Variants in PRKAR1A observed in about 807,000 individuals in gnomAD.
PRKAR1A encodes protein kinase cAMP-dependent type I regulatory subunit alpha.
In PRKAR1A, 3 loss-of-function variants were observed where a neutral mutation model predicts 52.0. That is an observed-to-expected ratio of 0.06 (90% confidence interval 0.03 to 0.15). PRKAR1A has a LOEUF of 0.15. Among genes scored for constraint, PRKAR1A ranks in the 10% least tolerant of loss-of-function variants. The pLI is 1.00. For synonymous variants in PRKAR1A, 188 were observed against 168.4 expected, an observed-to-expected ratio of 1.12 and a Z score of -0.90; for missense variants, 240 against 477.4, an observed-to-expected ratio of 0.50 and a Z score of 4.63.
chr17:68,541,111 G>C, intron 11 of PRKAR1A: 1 of 1,099,166 alleles, frequency 9.1e-7, no homozygotes, highest in Non-Finnish European at 1.3e-6. Flanking sequence ...CCCTGGGCAA[G>C]GACGCGTAAG....
At chr17:68,438,389 C>T in the PRKAR1A span, among the ~76,000 whole-genome samples, 1 of 152,206 alleles carries the variant, frequency 6.6e-6, no homozygotes, top group African/African-American at 2.4e-5. Flanking sequence ...ATTTCAAGAA[C>T]AGCTAGGCAG....
chr17:68,469,701 G>A, the PRKAR1A span, among the ~76,000 whole-genome samples: 152 of 151,470 alleles, frequency 1.0e-3, 1 homozygote, highest in East Asian at 0.025. Context: ...TCAAGCTTTT[G>A]GATGCTCTTT....
chr17:68,413,797 T>C, the PRKAR1A span: 1 of 157,552 alleles, frequency 6.3e-6, no homozygotes, highest in Non-Finnish European at 1.4e-5. Context: ...CCGAGCCAGG[T>C]AAGGGATGTA....
the PRKAR1A span, among the ~76,000 whole-genome samples, chr17:68,425,074 C>T: frequency 1.2e-4 from 18 of 152,312 alleles, 1 homozygote; most frequent in African/African-American, 3.4e-4. Flanking sequence ...GAAGAAGCCA[C>T]GCCCAGCACT....
At chr17:68,518,825 C>T (rs1306871777) in intron 2 of PRKAR1A, among the ~76,000 whole-genome samples, 1 of 152,218 alleles carries the variant, frequency 6.6e-6, no homozygotes, top group Non-Finnish European at 1.5e-5. Flanking sequence ...ATTTTTCAAG[C>T]TCTGCTTCCT....
the PRKAR1A span, among the ~76,000 whole-genome samples, chr17:68,496,302 A>G: frequency 6.6e-6 from 1 of 151,550 alleles, no homozygotes; most frequent in Non-Finnish European, 1.5e-5. Context: ...TTGGCCTCCC[A>G]AAGTGCTGGG....
chr17:68,549,227 G>A (rs1232620900), intron 11 of PRKAR1A, among the ~76,000 whole-genome samples: 2 of 152,184 alleles, frequency 1.3e-5, no homozygotes, highest in Non-Finnish European at 2.9e-5. Flanking sequence ...AGGTGCATTG[G>A]CTCACGCCTG....
intron 2 of PRKAR1A, among the ~76,000 whole-genome samples, chr17:68,516,219 T>C (rs1254354969): frequency 6.6e-6 from 1 of 152,218 alleles, no homozygotes; most frequent in Non-Finnish European, 1.5e-5. Flanking sequence ...TGTATGTCAT[T>C]GTGACCTACG....
the PRKAR1A span, among the ~76,000 whole-genome samples, chr17:68,449,167 G>A: frequency 6.6e-6 from 1 of 152,194 alleles, no homozygotes; most frequent in African/African-American, 2.4e-5. Flanking sequence ...ACCGCTCTGG[G>A]AATACTTAAT....
At chr17:68,448,205 A>G in the PRKAR1A span, 1 of 152,342 alleles carries the variant, frequency 6.6e-6, no homozygotes, top group African/African-American at 2.4e-5. Flanking sequence ...CAGAATCCCT[A>G]CCTGGCAAGA....
the PRKAR1A span, chr17:68,427,320 A>G: frequency 1.6e-6 from 2 of 1,221,986 alleles, no homozygotes; most frequent in African/African-American, 1.5e-5. Flanking sequence ...ACACCTTCCA[A>G]AGGAAAAGCA....
the PRKAR1A span, among the ~76,000 whole-genome samples, chr17:68,484,458 C>CTT: frequency 3.5e-3 from 470 of 135,524 alleles, 2 homozygotes; most frequent in African/African-American, 5.8e-3. Context: ...ATCGTGGTAT[C>CTT]TTTTTTTTTT....
chr17:68,467,089 G>T, the PRKAR1A span, among the ~76,000 whole-genome samples: 1 of 152,130 alleles, frequency 6.6e-6, no homozygotes, highest in South Asian at 2.1e-4. Flanking sequence ...AGCATGTGTC[G>T]GTATTTCATT....
chr17:68,433,760 G>GTTGTTTTTTTT, the PRKAR1A span, among the ~76,000 whole-genome samples: 1 of 72,814 alleles, frequency 1.4e-5, no homozygotes, highest in Admixed American at 1.8e-4. Flanking sequence ...AAGGGTCATA[G>GTTGTTTTTTTT]TTTTTTTTTT....
the PRKAR1A span, among the ~76,000 whole-genome samples, chr17:68,426,804 G>C: frequency 1.3e-5 from 2 of 152,170 alleles, no homozygotes; most frequent in African/African-American, 4.8e-5. Context: ...CAAAGTGCTG[G>C]GATTACAGGT....
chr17:68,488,506 T>G, the PRKAR1A span, among the ~76,000 whole-genome samples: 1 of 151,834 alleles, frequency 6.6e-6, no homozygotes, highest in Admixed American at 6.6e-5. Context: ...GGTGGGAGGA[T>G]CACTTGAGGT....
the PRKAR1A span, chr17:68,434,720 A>G: frequency 7.7e-7 from 1 of 1,294,850 alleles, no homozygotes; most frequent in Non-Finnish European, 1.1e-6. Context: ...GGTTTTGAAC[A>G]TCTGTCTCTG....
chr17:68,457,912 T>C, the PRKAR1A span, among the ~76,000 whole-genome samples: 1 of 152,144 alleles, frequency 6.6e-6, no homozygotes. Flanking sequence ...GGAATGCGGC[T>C]GGGGCCAGAT....
At chr17:68,430,098 T>C in the PRKAR1A span, 8 of 1,614,000 alleles carry the variant, frequency 5.0e-6, no homozygotes. Context: ...AGGGAGGTAG[T>C]TGGTAGCAGC....
Sources: gnomAD v4.1 joint callset for allele counts (sites outside exome capture counted in the v4.1 genomes callset) on GRCh38, gnomAD v4.1.1 for gene constraint, MANE v1.5 for transcripts, NCBI Gene and HGNC (gene_info 2026-07-23, HGNC 2026-07-21) for gene names.